MYCBP2: variants seen among roughly 807,000 people sequenced by gnomAD.
MYCBP2 encodes E3 ubiquitin-protein ligase MYCBP2.
Under a neutral mutation model 525.3 loss-of-function variants are expected in MYCBP2, and 120 were observed. That is an observed-to-expected ratio of 0.23 (90% CI 0.20 to 0.27). The LOEUF is 0.27. Among genes scored for constraint, MYCBP2 ranks in the 10% least tolerant of loss-of-function variants. The pLI, the probability that MYCBP2 is intolerant of heterozygous loss-of-function variation, is 1.00. For missense variants in MYCBP2, 4,149 were observed against 5,657.1 expected (o/e 0.73, Z 8.55); for synonymous variants, 1,894 against 1,955.8 (o/e 0.97, Z 0.83).
Position 77,246,192 on chromosome 13 carries a change from C to T in MYCBP2, c.2382-2241G>A, listed in dbSNP as rs9574022. On this transcript the variant is annotated intron_variant, in intron 15 of 82. Coordinates refer to ENST00000544440, the MANE Select transcript of MYCBP2 (RefSeq NM_015057.5). ...ATTTCAGAAGGTACAAAAGGAAGAA[C>T]ATATCTGGCAGCAGTTTAAAAGACA... 9.3e-3 allele frequency among the ~76,000 whole-genome samples: 1,413 copies of T among 152,226 alleles called. 86 individuals are homozygous for T. Among genetic ancestry groups the T allele is most frequent in the Admixed American group, 0.079 (1,202 of 15,286 alleles).
At chr13:77,246,343 A>G (rs1321148721) in intron 15 of MYCBP2, among the ~76,000 whole-genome samples, 3 of 152,212 alleles carry the variant, frequency 2.0e-5, no homozygotes, top group African/African-American at 7.2e-5. Flanking sequence ...TTTTTAAAAT[A>G]GTGTTTATGA....
At chr13:77,061,534 G>T in intron 75 of MYCBP2, 128 bp downstream of exon 75, 1 of 1,102,454 alleles carries the variant, frequency 9.1e-7, no homozygotes, top group Non-Finnish European at 1.3e-6. Context: ...AAGCGAGACA[G>T]CTGTGAACTC....
chr13:77,139,360 A>G, intron 51 of MYCBP2, 24 bp from the exon 52 acceptor site: 1 of 1,602,452 alleles, frequency 6.2e-7, no homozygotes, highest in Non-Finnish European at 8.5e-7. Context: ...CAACAGAAAC[A>G]AGCCAGGCCT....
chr13:77,166,651 A>C, intron 40 of MYCBP2, 97 bp from the exon 41 acceptor site: 1 of 712,428 alleles, frequency 1.4e-6, no homozygotes, highest in Middle Eastern at 2.6e-4. Context: ...TGCTTTTATT[A>C]AATGACACAA....
chr13:77,156,975 A>AT lies in MYCBP2; in HGVS notation c.6771-774dup, dbSNP rs796087009. The stretch of plus-strand genomic sequence containing the variant: ...AAATTAAAACCAGAAAAAAGTTGGG[A>AT]TTTTTTTTTTACTAGTAAAATCATG... On this transcript the variant is annotated intron_variant, in intron 45 of 82. Transcript: ENST00000544440. Among the ~76,000 whole-genome samples, 1,068 of 150,366 alleles carry AT rather than the reference A, an allele frequency of 7.1e-3. 7 individuals are homozygous for AT. Among genetic ancestry groups the AT allele is most frequent in the African/African-American group, 0.024 (995 of 41,114 alleles).
At chr13:77,275,429 T>C (rs1355952493) in intron 4 of MYCBP2, among the ~76,000 whole-genome samples, 1 of 152,206 alleles carries the variant, frequency 6.6e-6, no homozygotes, top group Non-Finnish European at 1.5e-5. Flanking sequence ...AGAGCCTTAC[T>C]AAATGCTGTT....
At chr13:77,287,493 AC>A (rs943928756) in intron 3 of MYCBP2, among the ~76,000 whole-genome samples, 19 of 152,212 alleles carry the variant, frequency 1.2e-4, no homozygotes, top group African/African-American at 4.1e-4. Context: ...GGCCTACAAT[AC>A]ATGCTTCTAT....
intron 26 of MYCBP2, among the ~76,000 whole-genome samples, chr13:77,200,337 A>C (rs1269429126): frequency 6.6e-6 from 1 of 152,198 alleles, no homozygotes; most frequent in Non-Finnish European, 1.5e-5. Context: ...AGGGAAGTTT[A>C]GAGAAAAAAG....
At chr13:77,203,207 C>A (rs1456071423) in intron 26 of MYCBP2, among the ~76,000 whole-genome samples, 1 of 152,136 alleles carries the variant, frequency 6.6e-6, no homozygotes, top group Non-Finnish European at 1.5e-5. Flanking sequence ...TCTCAGGATA[C>A]AAAATCAATG....
rs1238885975 is a variant in MYCBP2 at position 77,139,392 on chromosome 13, A to G, written c.7519-56T>C. On this transcript the variant is annotated intron_variant, in intron 51 of 82. Coordinates refer to ENST00000544440, the MANE Select transcript of MYCBP2 (RefSeq NM_015057.5). ...GCCTTCCTGTAAGTCCTATGAGGCT[A>G]GCAAGGTCTGAAAGTCTGCAAAGCA... 2.6e-6 allele frequency: 4 copies of G among 1,567,324 alleles called. No homozygotes were observed. In the East Asian group the frequency reaches 6.7e-5, roughly 26 times the overall value.
At chr13:77,221,768 A>C (rs1213866445) in intron 20 of MYCBP2, among the ~76,000 whole-genome samples, 1 of 152,160 alleles carries the variant, frequency 6.6e-6, no homozygotes, top group Non-Finnish European at 1.5e-5. Context: ...CAGAACAAAA[A>C]GTTGCCACGT....
In MYCBP2 at chr13:77,243,963, T is replaced by TAAAA; in HGVS notation, c.2382-13_2382-12insTTTT. ...CACAACCACAGATCCTAGGGGGAAA[T>TAAAA]ACAAAAAAAAAAAAAAAAGACAACT... On this transcript the variant is annotated splice_polypyrimidine_tract_variant and intron_variant, in intron 15 of 82. Transcript: ENST00000544440. The TAAAA allele has an allele frequency of 1.8e-6, 2 of 1,104,376 alleles. No homozygotes were observed. The highest frequency in any genetic ancestry group is 2.2e-6 in the Non-Finnish European group (2 of 913,640). The allele number at this position is 1,104,376 out of a possible 1,614,324, so 68.4% of individuals were successfully genotyped here.
chr13:77,239,013 G>C (rs941153617), intron 17 of MYCBP2, among the ~76,000 whole-genome samples: 1 of 152,092 alleles, frequency 6.6e-6, no homozygotes, highest in Non-Finnish European at 1.5e-5. Flanking sequence ...CCAGCTACTC[G>C]GGAGGCCGAG....
intron 55 of MYCBP2, 116 bp from the exon 56 acceptor site, chr13:77,099,129 C>A: frequency 3.8e-6 from 5 of 1,304,780 alleles, no homozygotes; most frequent in Admixed American, 2.3e-5. Flanking sequence ...GTTTGTCATA[C>A]ATACTAAAAT....
At chr13:77,117,626 C>T (rs1020999504) in intron 55 of MYCBP2, among the ~76,000 whole-genome samples, 8 of 152,102 alleles carry the variant, frequency 5.3e-5, no homozygotes, top group Non-Finnish European at 1.5e-5. Flanking sequence ...CATAAACTAG[C>T]TCATTCAATT....
chr13:77,318,440 AT>A (rs1346411608), intron 1 of MYCBP2, among the ~76,000 whole-genome samples: 1 of 152,212 alleles, frequency 6.6e-6, no homozygotes, highest in Non-Finnish European at 1.5e-5. Flanking sequence ...GAAGAAAAAT[AT>A]TTTTATTTCC....
chr13:77,174,244 C>G, intron 37 of MYCBP2, 67 bp downstream of exon 37: 9 of 1,452,860 alleles, frequency 6.2e-6, no homozygotes, highest in Non-Finnish European at 8.5e-6. Flanking sequence ...AGCAATTTTA[C>G]CTGGTAGTAG....
At chr13:77,234,221 G>A (rs537724718) in intron 17 of MYCBP2, among the ~76,000 whole-genome samples, 1 of 151,734 alleles carries the variant, frequency 6.6e-6, no homozygotes, top group South Asian at 2.1e-4. Context: ...GTTTCCTTGA[G>A]TTTTAACAAC....
rs1487452708 is a variant in MYCBP2 at position 77,083,124 on chromosome 13, A to G, written c.10944T>C (p.Pro3648=). The part of the protein sequence containing the change: ...DIVIAGEAAH[P]LPHTFHRLLQ... ...GCAAGCGGTGAAAGGTGTGTGGTAA[A>G]GGATGAGCAGCTTCCCCGGCAATCA... is the stretch of plus-strand genomic sequence containing the variant. Residue 3648 remains proline (P), a synonymous_variant, in exon 63 of 83, where the codon CCT becomes CCC. Coordinates refer to ENST00000544440, the MANE Select transcript of MYCBP2 (RefSeq NM_015057.5). The G allele has an allele frequency of 1.2e-6, 2 of 1,613,626 alleles. No homozygotes were observed. The highest frequency in any genetic ancestry group is 1.7e-5 in the Admixed American group (1 of 59,974).
Sources: allele counts gnomAD v4.1 joint callset (sites outside exome capture counted in the v4.1 genomes callset), GRCh38; gene constraint gnomAD v4.1.1; transcripts MANE v1.5; gene names NCBI Gene and HGNC (gene_info 2026-07-23, HGNC 2026-07-21).